Variants in TBC1D5 observed in about 807,000 individuals in gnomAD.
TBC1D5 encodes TBC1 domain family, member 5.
Under a neutral mutation model 100.3 loss-of-function variants are expected in TBC1D5, and 75 were observed. The ratio of observed to expected loss-of-function variants is 0.75; its 90% CI spans 0.62 to 0.91. The LOEUF is 0.91. Among genes scored for constraint, TBC1D5 ranks in the 40% least tolerant of loss-of-function variants. The pLI, the probability that TBC1D5 is intolerant of heterozygous loss-of-function variation, is 0.00. For synonymous variants in TBC1D5, 323 were observed against 325.6 expected (o/e 0.99, Z 0.09); for missense variants, 910 against 942.4 (o/e 0.97, Z 0.45).
chr3:17,428,411 GTA>G (rs71634804), intron 4 of TBC1D5, 37 bp downstream of exon 4: 6,181 of 209,752 alleles, frequency 0.029, 1 homozygote, highest in Non-Finnish European at 0.042. Context: ...GTGTGTGTGT[GTA>G]TATATATATA....
intron 3 of TBC1D5, among the ~76,000 whole-genome samples, chr3:17,500,289 C>A (rs1371685310): frequency 1.3e-5 from 2 of 148,704 alleles, no homozygotes; most frequent in African/African-American, 2.6e-5. Context: ...GAAGTAAGAC[C>A]AGAGGACTTT....
At chr3:17,437,786 C>T (rs557286553) in intron 3 of TBC1D5, among the ~76,000 whole-genome samples, 1 of 151,972 alleles carries the variant, frequency 6.6e-6, no homozygotes, top group African/African-American at 2.4e-5. Context: ...TAAAGGGTTC[C>T]CTAGATTATT....
intron 19 of TBC1D5, chr3:17,184,861 T>C (rs2068834363): frequency 4.1e-6 from 1 of 241,210 alleles, no homozygotes; most frequent in Admixed American, 4.9e-5. Flanking sequence ...GATTGCTTGA[T>C]TTTGAATTTC....
At chr3:17,412,585 A>G (rs969879247) in intron 4 of TBC1D5, among the ~76,000 whole-genome samples, 16 of 152,160 alleles carry the variant, frequency 1.1e-4, no homozygotes, top group Admixed American at 5.2e-4. Flanking sequence ...AAAAAAAAGT[A>G]GTTGCTAAAC....
intron 2 of TBC1D5, among the ~76,000 whole-genome samples, chr3:17,558,122 C>T (rs887975876): frequency 6.6e-6 from 1 of 152,094 alleles, no homozygotes; most frequent in African/African-American, 2.4e-5. Context: ...CCAAAAACAA[C>T]AATAAACTAT....
At chr3:17,283,570 C>T (rs2080833622) in intron 15 of TBC1D5, among the ~76,000 whole-genome samples, 1 of 152,030 alleles carries the variant, frequency 6.6e-6, no homozygotes, top group Non-Finnish European at 1.5e-5. Flanking sequence ...ATTGGCCTGA[C>T]CATGTGACGG....
intron 15 of TBC1D5, among the ~76,000 whole-genome samples, chr3:17,283,246 C>T (rs1266479453): frequency 6.6e-6 from 1 of 152,186 alleles, no homozygotes; most frequent in African/African-American, 2.4e-5. Context: ...GGTCCAGTTT[C>T]CTCATTCTAC....
At chr3:17,545,521 T>C (rs541526633) in intron 2 of TBC1D5, among the ~76,000 whole-genome samples, 1 of 152,306 alleles carries the variant, frequency 6.6e-6, no homozygotes, top group East Asian at 1.9e-4. Context: ...ATTTCAAAGG[T>C]GGAATGATGA....
intron 2 of TBC1D5, among the ~76,000 whole-genome samples, chr3:17,510,698 C>A (rs938694980): frequency 6.6e-6 from 1 of 151,890 alleles, no homozygotes; most frequent in Non-Finnish European, 1.5e-5. Context: ...GAGCAGTCAC[C>A]AAATTCAAAT....
intron 2 of TBC1D5, among the ~76,000 whole-genome samples, chr3:17,509,117 T>A (rs1256199083): frequency 6.6e-6 from 1 of 152,004 alleles, no homozygotes; most frequent in East Asian, 1.9e-4. Context: ...ATGGTAAACA[T>A]ACTGATTATG....
intron 3 of TBC1D5, among the ~76,000 whole-genome samples, chr3:17,461,665 T>C (rs1053268987): frequency 8.1e-6 from 1 of 123,186 alleles, no homozygotes; most frequent in African/African-American, 3.3e-5. Context: ...TGTGTGAGTG[T>C]GTATGTGTGT....
intron 2 of TBC1D5, among the ~76,000 whole-genome samples, chr3:17,602,718 G>A (rs150244760): frequency 9.9e-5 from 15 of 151,486 alleles, no homozygotes; most frequent in Middle Eastern, 3.4e-3. Context: ...GACTACAGGC[G>A]CCCGCCACCA....
At chr3:17,441,190 T>C (rs1196793731) in intron 3 of TBC1D5, among the ~76,000 whole-genome samples, 1 of 152,240 alleles carries the variant, frequency 6.6e-6, no homozygotes, top group Non-Finnish European at 1.5e-5. Flanking sequence ...ATTCATTCAA[T>C]GAACATCTAC....
At chr3:17,594,749 T>C (rs1426509985) in intron 2 of TBC1D5, among the ~76,000 whole-genome samples, 1 of 152,152 alleles carries the variant, frequency 6.6e-6, no homozygotes, top group Admixed American at 6.6e-5. Context: ...ATAGTTGTAT[T>C]ATGTTAGGTG....
chr3:17,162,511 A>T (rs1012590338), intron 21 of TBC1D5, among the ~76,000 whole-genome samples: 1 of 152,238 alleles, frequency 6.6e-6, no homozygotes, highest in African/African-American at 2.4e-5. Flanking sequence ...TCAGTCAGAG[A>T]ACATAAACGT....
intron 4 of TBC1D5, among the ~76,000 whole-genome samples, chr3:17,408,268 AACACACACACACACACACACAC>A (rs3041146): frequency 4.2e-5 from 6 of 144,112 alleles, no homozygotes; most frequent in South Asian, 4.7e-4. Flanking sequence ...AAGACTATCC[AACACACACACACACACACACAC>A]ACACACACAC....
At position 17,225,629 on chromosome 3, in the gene TBC1D5, C is replaced by A. The variant is rs377090790; in HGVS notation, c.1589-11259G>T. Among the ~76,000 whole-genome samples the A allele has an allele frequency of 1.1e-3, 171 of 152,030 alleles. 5 individuals carry two copies. The South Asian group carries it at 0.033, about 30-fold the overall frequency. On this transcript the variant is annotated intron_variant, in intron 17 of 21. Coordinates refer to ENST00000253692, the Ensembl canonical transcript of TBC1D5. ...CCAACCTGGGCAACATAGTGAGAAC[C>A]AAACTGTGAGACAGAGTAGTGGTGC...
intron 13 of TBC1D5, among the ~76,000 whole-genome samples, chr3:17,366,985 C>T (rs1330887870): frequency 6.6e-6 from 1 of 152,070 alleles, no homozygotes; most frequent in East Asian, 1.9e-4. Context: ...GAATTTATCC[C>T]ATGAGTGTTG....
At chr3:17,696,362 TAAAG>T (rs2072078813) in intron 1 of TBC1D5, among the ~76,000 whole-genome samples, 1 of 151,590 alleles carries the variant, frequency 6.6e-6, no homozygotes. Context: ...GCAAGACTAA[TAAAG>T]AAGAAAGGAG....
Sources: gnomAD v4.1 joint callset for allele counts (sites outside exome capture counted in the v4.1 genomes callset) on GRCh38, gnomAD v4.1.1 for gene constraint, MANE v1.5 for transcripts, NCBI Gene and HGNC (gene_info 2026-07-23, HGNC 2026-07-21) for gene names.